The following C10orf71 variants were observed in gnomAD, a reference collection of about 807,000 sequenced individuals.
C10orf71 encodes cardiac-enriched FHL2-interacting protein.
For synonymous variants in C10orf71, 758 were observed against 726.3 expected (o/e 1.04, Z -0.70); for missense variants, 1,869 against 1,804.5 (o/e 1.04, Z -0.65).
chr10:49,324,143 G>A lies in C10orf71; in HGVS notation c.1598G>A (p.Gly533Glu). 1 of 1,613,964 alleles carries A rather than the reference G, an allele frequency of 6.2e-7. No homozygotes were observed. The highest frequency in any genetic ancestry group is 8.5e-7 in the Non-Finnish European group (1 of 1,179,886). The change falls in exon 3 of 3, where the codon GGA (glycine) becomes GAA (glutamate). Residue 533 changes from glycine to glutamate, a missense_variant. Gly to Glu is a moderately conservative substitution (Grantham distance 98). Transcript: ENST00000374144. ...GAGAAAACTAGAGGTAAGGTTGATG[G>A]AAAGCAAGAACCTGTGAGCAACGGT... is the stretch of plus-strand genomic sequence containing the variant. ...LDEKTRGKVD[G>E]KQEPVSNGVI...
Position 49,326,551 on chromosome 10 carries a change from C to A in C10orf71, c.4006C>A (p.Pro1336Thr). ...CCTGGCCGCTCCCTATGTGCTGTAC[C>A]CCGGCTTCCAGCCAGTGCCCGTGAC... is the stretch of plus-strand genomic sequence containing the variant. ...DALAAPYVLY[P>T]GFQPVPVTAL... The change falls in exon 3 of 3, where the codon CCC becomes ACC. Residue 1336 changes from proline to threonine, a missense_variant. Pro to Thr is a conservative substitution (Grantham distance 38). Coordinates refer to ENST00000374144, the MANE Select transcript of C10orf71 (RefSeq NM_001135196.2). 1 of 1,550,668 alleles carries A rather than the reference C, an allele frequency of 6.4e-7. No homozygotes were observed. Among genetic ancestry groups the A allele is most frequent in the African/African-American group, 1.4e-5 (1 of 73,174 alleles).
rs367577636 is a variant in C10orf71, at chr10:49,323,648, C to G, written c.1103C>G (p.Ser368Ter). The G allele has an allele frequency of 4.4e-6, 7 of 1,608,212 alleles. No homozygotes were observed. Among genetic ancestry groups the G allele is most frequent in the Non-Finnish European group, 5.9e-6 (7 of 1,178,348 alleles). The part of the protein sequence containing the change: ...VFAVEGKAPS[S>*]QPDSQEKPAQ... ...GCTGTGGAAGGAAAAGCTCCCAGCT[C>G]ACAACCTGATTCTCAAGAGAAGCCA... The change falls in exon 3 of 3, where the codon TCA becomes TGA. Residue 368 changes from serine to a stop codon, truncating the protein, a stop_gained. Transcript: ENST00000374144. LOFTEE classifies it low-confidence loss of function (END_TRUNC).
chr10:49,303,062 C>G (rs1378615293), intron 1 of C10orf71, among the ~76,000 whole-genome samples: 1 of 152,230 alleles, frequency 6.6e-6, no homozygotes, highest in Non-Finnish European at 1.5e-5. Flanking sequence ...CTCCACTGTC[C>G]TATTTAGAGA....
chr10:49,325,704 G>A lies in C10orf71; in HGVS notation c.3159G>A (p.Arg1053=). The A allele has an allele frequency of 3.2e-6, 5 of 1,551,754 alleles. No homozygotes were observed. The highest frequency in any genetic ancestry group is 1.4e-5 in the African/African-American group (1 of 73,160). The change falls in exon 3 of 3, where the codon AGG becomes AGA. Residue 1053 remains arginine, a synonymous_variant. Transcript: ENST00000374144. ...GCAGAAGACTGGTCCCCAGTGAGAG[G>A]GCGAATTCCCCCAACCCCGGCTCCC... ...PPGRRLVPSE[R]ANSPNPGSPG...
rs1192045786 is a variant in C10orf71 at position 49,324,017 on chromosome 10, G to A, written c.1472G>A (p.Ser491Asn). 1 of 1,613,588 alleles carries A rather than the reference G, an allele frequency of 6.2e-7. No homozygotes were observed. Among genetic ancestry groups the A allele is most frequent in the South Asian group, 1.1e-5 (1 of 90,992 alleles). Reference sequence around the variant, plus strand: ...CCCAGTGAATGTCAGTCTCGAGACAGCTACAAGTCCAAAGCCCCTAGCCTG... The same window carrying A: ...CCCAGTGAATGTCAGTCTCGAGACAACTACAAGTCCAAAGCCCCTAGCCTG... ...KEPSECQSRD[S>N]YKSKAPSLLF... Residue 491 changes from serine to asparagine, a missense_variant, in exon 3 of 3, where the codon AGC (serine) becomes AAC (asparagine). Transcript: ENST00000374144.
intron 1 of C10orf71, among the ~76,000 whole-genome samples, chr10:49,300,286 A>G (rs2132392851): frequency 6.6e-6 from 1 of 152,178 alleles, no homozygotes; most frequent in East Asian, 1.9e-4. Flanking sequence ...ATAAAGTTGT[A>G]TTGGCACACA....
At chr10:49,305,705 C>T (rs867406130) in intron 1 of C10orf71, among the ~76,000 whole-genome samples, 1 of 152,252 alleles carries the variant, frequency 6.6e-6, no homozygotes, top group Non-Finnish European at 1.5e-5. Flanking sequence ...CCAAGTGAAT[C>T]TGATCAGCCA....
chr10:49,305,365 C>T (rs1231967017), intron 1 of C10orf71, among the ~76,000 whole-genome samples: 3 of 152,178 alleles, frequency 2.0e-5, no homozygotes, highest in Non-Finnish European at 4.4e-5. Flanking sequence ...GTTCCAGCCC[C>T]ACACCACCAG....
At position 49,327,426 on chromosome 10, in the gene C10orf71, C is replaced by T. The variant is rs1370607152; in HGVS notation, c.*573C>T. 3 of 172,524 alleles carry T rather than the reference C, an allele frequency of 1.7e-5. No individual in the cohort carries two copies. The highest frequency in any genetic ancestry group is 6.2e-5 in the Admixed American group (1 of 16,120). The allele number at this position is 172,524 out of a possible 1,614,324, so 10.7% of individuals were successfully genotyped here. On this transcript the variant is annotated 3_prime_UTR_variant, in exon 3 of 3. Transcript: ENST00000374144. ...ACAGGGAGAAACTTGCCTCTGAAAG[C>T]TATTTTCTGATCAAGAAAAGGCCCA...
At chr10:49,317,286 A>G (rs901876397) in intron 2 of C10orf71, among the ~76,000 whole-genome samples, 3 of 152,194 alleles carry the variant, frequency 2.0e-5, no homozygotes, top group East Asian at 1.9e-4. Context: ...CCGTGGGCTC[A>G]TGGCTTAGCA....
rs562770071 is a variant in C10orf71 at position 49,327,182 on chromosome 10, G to A, written c.*329G>A. 69 of 653,848 alleles carry A rather than the reference G, an allele frequency of 1.1e-4. 1 individual carries two copies. Among genetic ancestry groups the A allele is most frequent in the South Asian group, 8.2e-4 (44 of 53,642 alleles). The allele number at this position is 653,848 out of a possible 1,614,324, so 40.5% of individuals were successfully genotyped here. On this transcript the variant is annotated 3_prime_UTR_variant, in exon 3 of 3. Transcript: ENST00000374144. ...TCCTGGCCCACCCTGCTCTTCCCTC[G>A]CCCTGCAAATTAGGTGGGTGTGGCA...
At chr10:49,303,022 G>A (rs550689440) in intron 1 of C10orf71, among the ~76,000 whole-genome samples, 8 of 152,314 alleles carry the variant, frequency 5.3e-5, no homozygotes, top group South Asian at 2.1e-4. Flanking sequence ...TTCCCAGCAC[G>A]TGGTAGAAAT....
At position 49,324,428 on chromosome 10, in the gene C10orf71, C is replaced by A. The variant is rs1425287125; in HGVS notation, c.1883C>A (p.Ala628Asp). The A allele has an allele frequency of 5.0e-6, 8 of 1,609,040 alleles. No homozygotes were observed. Among genetic ancestry groups the A allele is most frequent in the Non-Finnish European group, 6.8e-6 (8 of 1,177,636 alleles). The change falls in exon 3 of 3, where the codon GCC becomes GAC. Residue 628 changes from alanine (A) to aspartate (D), a missense_variant. By Grantham distance (126) the Ala-to-Asp change is moderately radical. Coordinates refer to ENST00000374144, the MANE Select transcript of C10orf71 (RefSeq NM_001135196.2). ...EVEGELEMGP[A>D]GSSWCPDSRE... ...GAAGGAGAGTTGGAGATGGGTCCTG[C>A]CGGATCCAGCTGGTGTCCAGACTCC...
In C10orf71 at chr10:49,326,211, G is replaced by C; in HGVS notation, c.3666G>C (p.Leu1222=). ...TGGAGCAGACACAGCAAAGGCCGCT[G>C]TGCCCCAGAGAGAGGCCCCGACACA... ...EDLEQTQQRP[L]CPRERPRHNF... is the part of the protein sequence containing the mutation. Residue 1222 remains leucine (L), a synonymous_variant, in exon 3 of 3, where the codon CTG becomes CTC. Transcript: ENST00000374144. 1 of 1,551,228 alleles carries C rather than the reference G, an allele frequency of 6.4e-7. No individual in the cohort carries two copies.
In C10orf71 at chr10:49,325,279, G is replaced by T. The variant is rs1374915719; in HGVS notation, c.2734G>T (p.Asp912Tyr). 6.4e-7 allele frequency: 1 copy of T among 1,551,750 alleles called. No individual in the cohort carries two copies. The highest frequency in any genetic ancestry group is 2.0e-5 in the Admixed American group (1 of 51,008). ...DPGFCAPENQ[D>Y]ILGTSTPTNT... ...TGGGTTTTGTGCCCCCGAAAACCAG[G>T]ACATTCTTGGTACATCGACACCCAC... Residue 912 changes from aspartate to tyrosine, a missense_variant, in exon 3 of 3, where the codon GAC becomes TAC. By Grantham distance (160) the Asp-to-Tyr change is radical. Coordinates refer to ENST00000374144, the MANE Select transcript of C10orf71 (RefSeq NM_001135196.2).
At chr10:49,311,413 G>A (rs764100290) in intron 1 of C10orf71, among the ~76,000 whole-genome samples, 3 of 152,214 alleles carry the variant, frequency 2.0e-5, no homozygotes, top group Non-Finnish European at 4.4e-5. Flanking sequence ...GAAGACAAGG[G>A]CAACATGGAC....
In C10orf71 at chr10:49,322,992, T is replaced by C; in HGVS notation, c.447T>C (p.Ser149=). The C allele has an allele frequency of 6.2e-7, 1 of 1,614,022 alleles. No individual in the cohort carries two copies. The highest frequency in any genetic ancestry group is 8.5e-7 in the Non-Finnish European group (1 of 1,179,894). ...PVSKVSTLIK[S]FDRTESQRCE... ...CCAAAGTATCAACACTAATTAAATC[T>C]TTCGACAGGACCGAGAGCCAACGTT... Residue 149 remains serine (S), a synonymous_variant, in exon 3 of 3, where the codon TCT becomes TCC. Coordinates refer to ENST00000374144, the MANE Select transcript of C10orf71 (RefSeq NM_001135196.2).
intron 1 of C10orf71, 120 bp downstream of exon 1, chr10:49,299,353 C>A (rs1848684026): frequency 6.6e-6 from 1 of 152,300 alleles, no homozygotes; most frequent in Non-Finnish European, 1.5e-5. Flanking sequence ...CACCTTTGGG[C>A]AGCCTGGATA....
intron 1 of C10orf71, among the ~76,000 whole-genome samples, chr10:49,312,669 CT>C: frequency 2.0e-5 from 3 of 152,304 alleles, no homozygotes; most frequent in Middle Eastern, 6.8e-3. Flanking sequence ...TCATCTCCCC[CT>C]GACAGAAACG....
Sources: gnomAD v4.1 joint callset for allele counts (sites outside exome capture counted in the v4.1 genomes callset) on GRCh38, gnomAD v4.1.1 for gene constraint, MANE v1.5 for transcripts, NCBI Gene and HGNC (gene_info 2026-07-23, HGNC 2026-07-21) for gene names.